SGCD: variants seen among roughly 807,000 people sequenced by gnomAD.
The protein encoded by SGCD is delta-sarcoglycan.
In SGCD, 18 loss-of-function variants were observed where a neutral mutation model predicts 36.6. The observed-to-expected ratio is 0.49, with a 90% CI of 0.34 to 0.73. The LOEUF (loss-of-function observed/expected upper bound fraction) is 0.73, where lower values mean the gene tolerates loss of function less well. Among genes scored for constraint, SGCD ranks in the 30% least tolerant of loss-of-function variants. SGCD has a pLI of 0.01. For missense variants in SGCD, 387 were observed against 346.7 expected, an observed-to-expected ratio of 1.12 and a Z score of -0.92; for synonymous variants, 133 against 130.6, an observed-to-expected ratio of 1.02 and a Z score of -0.12.
chr5:156,683,468 G>A (rs925903380), intron 7 of SGCD, among the ~76,000 whole-genome samples: 2 of 152,144 alleles, frequency 1.3e-5, no homozygotes, highest in African/African-American at 4.8e-5. Context: ...CAAATCAGCC[G>A]ACATGGTTAA....
At chr5:156,695,535 AG>A (rs1754286998) in intron 7 of SGCD, among the ~76,000 whole-genome samples, 1 of 132,668 alleles carries the variant, frequency 7.5e-6, no homozygotes, top group African/African-American at 3.3e-5. Flanking sequence ...ATAGATAGAT[AG>A]ATAGATAGAT....
At chr5:156,349,320 T>G (rs1769112133) in intron 3 of SGCD, among the ~76,000 whole-genome samples, 1 of 151,758 alleles carries the variant, frequency 6.6e-6, no homozygotes. Flanking sequence ...TAACAACCTA[T>G]GAAGTGGGAG....
At chr5:155,888,884 C>A (rs1756064455) in intron 1 of SGCD, among the ~76,000 whole-genome samples, 1 of 152,130 alleles carries the variant, frequency 6.6e-6, no homozygotes, top group Non-Finnish European at 1.5e-5. Flanking sequence ...TGTCCACATC[C>A]TTCACTTCTA....
intron 3 of SGCD, among the ~76,000 whole-genome samples, chr5:156,437,904 A>T (rs1044098156): frequency 6.6e-6 from 1 of 152,214 alleles, no homozygotes; most frequent in African/African-American, 2.4e-5. Context: ...AGCATTTCAG[A>T]TCATTTCCAG....
the SGCD span, among the ~76,000 whole-genome samples, chr5:155,807,334 T>G: frequency 3.9e-5 from 6 of 152,240 alleles, no homozygotes; most frequent in Non-Finnish European, 7.3e-5. Flanking sequence ...GGTTTTTCCT[T>G]CTTACAATAA....
chr5:155,786,988 T>C, the SGCD span, among the ~76,000 whole-genome samples: 1 of 152,186 alleles, frequency 6.6e-6, no homozygotes, highest in Non-Finnish European at 1.5e-5. Context: ...GGACCCACCT[T>C]CATCAGAATG....
At chr5:156,088,182 C>G (rs1761149546) in intron 1 of SGCD, among the ~76,000 whole-genome samples, 1 of 152,042 alleles carries the variant, frequency 6.6e-6, no homozygotes, top group Non-Finnish European at 1.5e-5. Flanking sequence ...CCATATAAAG[C>G]TTTCCTAGAT....
chr5:156,134,567 C>T (rs760362589), intron 3 of SGCD, among the ~76,000 whole-genome samples: 35 of 152,032 alleles, frequency 2.3e-4, no homozygotes, highest in Non-Finnish European at 4.6e-4. Context: ...CAACAAATCT[C>T]GAAAACCCCT....
intron 3 of SGCD, among the ~76,000 whole-genome samples, chr5:156,197,654 G>A (rs1764053263): frequency 6.6e-6 from 1 of 151,600 alleles, no homozygotes; most frequent in African/African-American, 2.4e-5. Flanking sequence ...AGAAATTGTG[G>A]CTTATATTTG....
the SGCD span, among the ~76,000 whole-genome samples, chr5:155,823,627 A>G: frequency 6.6e-5 from 10 of 152,180 alleles, no homozygotes; most frequent in Non-Finnish European, 1.2e-4. Context: ...GCGGGAACAC[A>G]ATGTGCATTA....
chr5:155,973,366 A>T (rs539294805), intron 1 of SGCD, among the ~76,000 whole-genome samples: 4 of 152,160 alleles, frequency 2.6e-5, no homozygotes, highest in Non-Finnish European at 5.9e-5. Flanking sequence ...ATTTAGCTCT[A>T]CACTGAGAAG....
At chr5:156,014,849 C>A (rs891295061) in intron 1 of SGCD, among the ~76,000 whole-genome samples, 2 of 152,126 alleles carry the variant, frequency 1.3e-5, no homozygotes, top group African/African-American at 2.4e-5. Context: ...CTTTCTATAG[C>A]GTTTTGCACT....
intron 3 of SGCD, among the ~76,000 whole-genome samples, chr5:156,274,750 T>A (rs1581211545): frequency 6.6e-6 from 1 of 152,284 alleles, no homozygotes; most frequent in Admixed American, 6.5e-5. Flanking sequence ...CTGGCTTCTA[T>A]ACTGCTTTGC....
chr5:155,799,049 G>A, the SGCD span, among the ~76,000 whole-genome samples: 1 of 152,100 alleles, frequency 6.6e-6, no homozygotes, highest in Admixed American at 6.5e-5. Flanking sequence ...GGTGAACAAG[G>A]CATCATTGCA....
the SGCD span, among the ~76,000 whole-genome samples, chr5:155,858,088 G>A: frequency 3.9e-5 from 6 of 152,046 alleles, no homozygotes; most frequent in African/African-American, 9.7e-5. Flanking sequence ...TGTATAGCGC[G>A]TGTATATACA....
Position 156,764,795 on chromosome 5 carries a change from T to C in SGCD, c.*5405T>C, listed in dbSNP as rs1757558670. On this transcript the variant is annotated 3_prime_UTR_variant, in exon 9 of 9. Transcript: ENST00000337851. ...AGTGTTAATGATGCTATCAAATCCA[T>C]CAATAAACAGTCTCAAACCTTCCAA... The C allele has an allele frequency of 6.6e-6, 1 of 152,202 alleles. No individual in the cohort carries two copies. Among genetic ancestry groups the C allele is most frequent in the Admixed American group, 6.5e-5 (1 of 15,278 alleles). The allele number at this position is 152,202 out of a possible 1,614,324, so 9.4% of individuals were successfully genotyped here.
intron 1 of SGCD, among the ~76,000 whole-genome samples, chr5:156,080,115 G>A (rs1561711020): frequency 1.3e-5 from 2 of 152,308 alleles, no homozygotes; most frequent in South Asian, 2.1e-4. Context: ...AGCCACCAAG[G>A]CTTACAGCTT....
chr5:155,845,555 T>C, the SGCD span: 1 of 152,294 alleles, frequency 6.6e-6, no homozygotes, highest in African/African-American at 2.4e-5. Flanking sequence ...ATTTTCTTCT[T>C]GTCCAAATGA....
chr5:156,412,266 G>A (rs968067892), intron 3 of SGCD, among the ~76,000 whole-genome samples: 6 of 152,306 alleles, frequency 3.9e-5, no homozygotes, highest in African/African-American at 1.4e-4. Context: ...GCTGGTTAGC[G>A]TGAGCCTCAG....
Sources: gnomAD v4.1 joint callset for allele counts (sites outside exome capture counted in the v4.1 genomes callset) on GRCh38, gnomAD v4.1.1 for gene constraint, MANE v1.5 for transcripts, NCBI Gene and HGNC (gene_info 2026-07-23, HGNC 2026-07-21) for gene names.